The following KAT6A variants were observed in gnomAD, a reference collection of about 807,000 sequenced individuals.
The protein encoded by KAT6A is lysine acetyltransferase 6A.
A neutral mutation model predicts 198.4 loss-of-function variants in KAT6A; 9 were observed. The observed-to-expected ratio is 0.05, with a 90% confidence interval of 0.03 to 0.08. The LOEUF is 0.08. Ranked by LOEUF, KAT6A falls within the 10% of genes least tolerant of loss-of-function variation. KAT6A has a pLI of 1.00. For missense variants in KAT6A, 2,077 were observed against 2,509.9 expected (o/e 0.83, Z 3.69); for synonymous variants, 890 against 883.0 (o/e 1.01, Z -0.14).
intron 2 of KAT6A, among the ~76,000 whole-genome samples, chr8:42,021,998 T>C (rs767299610): frequency 6.6e-6 from 1 of 152,178 alleles, no homozygotes; most frequent in African/African-American, 2.4e-5. Context: ...TTTCAGTTTA[T>C]CTCAACTCCA....
At chr8:42,007,027 T>C (rs1348822049) in intron 2 of KAT6A, among the ~76,000 whole-genome samples, 2 of 151,222 alleles carry the variant, frequency 1.3e-5, no homozygotes, top group East Asian at 1.9e-4. Flanking sequence ...TCAGTCAACT[T>C]ACTCTAATCT....
chr8:42,040,174 A>G (rs1465969580), intron 2 of KAT6A, among the ~76,000 whole-genome samples: 1 of 151,986 alleles, frequency 6.6e-6, no homozygotes, highest in East Asian at 1.9e-4. Flanking sequence ...TTAAAAAAAA[A>G]AGTCCCTAAC....
At chr8:41,985,934 T>G (rs79403673) in intron 3 of KAT6A, among the ~76,000 whole-genome samples, 17,968 of 151,972 alleles carry the variant, frequency 0.12, 1,333 homozygotes, top group East Asian at 0.26. Flanking sequence ...TAAGTTTTTT[T>G]TTTGTTTGTT....
At chr8:42,019,433 CAGAAG>C (rs1286308506) in intron 2 of KAT6A, among the ~76,000 whole-genome samples, 1 of 152,114 alleles carries the variant, frequency 6.6e-6, no homozygotes, top group Non-Finnish European at 1.5e-5. Flanking sequence ...GCAGGCAGGT[CAGAAG>C]AGAAGAAAAG....
At chr8:41,955,455 A>T (rs1822876537) in intron 8 of KAT6A, 44 bp from the exon 9 acceptor site, 1 of 1,192,032 alleles carries the variant, frequency 8.4e-7, no homozygotes. Context: ...TAAATTAGAC[A>T]CACTGAGATA....
intron 2 of KAT6A, among the ~76,000 whole-genome samples, chr8:42,025,691 C>T (rs1441263939): frequency 6.6e-6 from 1 of 152,120 alleles, no homozygotes; most frequent in Non-Finnish European, 1.5e-5. Context: ...AATATTTTCT[C>T]CCAATCTACA....
intron 2 of KAT6A, among the ~76,000 whole-genome samples, chr8:41,991,071 A>T (rs1824921295): frequency 6.6e-6 from 1 of 152,040 alleles, no homozygotes. Flanking sequence ...AATTGACAAG[A>T]CCAATTTGAA....
chr8:41,948,231 GT>G (rs1822492959), intron 10 of KAT6A, among the ~76,000 whole-genome samples: 1 of 152,172 alleles, frequency 6.6e-6, no homozygotes. Context: ...TAGATAGCAA[GT>G]TTCGTTTTCA....
rs1434893861 is a variant in KAT6A, at chr8:41,929,885, CTCT to C, written c.*2317_*2319del. The C allele has an allele frequency of 9.6e-6, 2 of 208,452 alleles. No individual in the cohort carries two copies. The highest frequency in any genetic ancestry group is 2.0e-5 in the Non-Finnish European group (2 of 102,526). The allele number at this position is 208,452 out of a possible 1,614,324, so 12.9% of individuals were successfully genotyped here. A position where few individuals can be genotyped will look rare whatever the true frequency, so the allele number is the denominator to read the frequency against. ...TTAAAGATGGAATGAAATGAAAAAG[CTCT>C]TATTTTAAAAGGCATCAAAGTCACT... On this transcript the variant is annotated 3_prime_UTR_variant, in exon 17 of 17. Coordinates refer to ENST00000265713, the MANE Select transcript of KAT6A (RefSeq NM_006766.5).
intron 2 of KAT6A, among the ~76,000 whole-genome samples, chr8:42,006,439 T>C (rs971413270): frequency 5.9e-5 from 9 of 152,234 alleles, no homozygotes; most frequent in African/African-American, 2.2e-4. Context: ...AGGTTGGGTA[T>C]CCCTTATCTC....
At chr8:41,983,968 T>C (rs1824483096) in intron 3 of KAT6A, among the ~76,000 whole-genome samples, 1 of 152,246 alleles carries the variant, frequency 6.6e-6, no homozygotes, top group Admixed American at 6.5e-5. Context: ...TGCTTAGAAA[T>C]GTAAACATGT....
In KAT6A at chr8:41,929,627, C is replaced by T. The variant is rs1482464462; in HGVS notation, c.*2578G>A. 5.2e-6 allele frequency: 1 copy of T among 193,968 alleles called. No individual in the cohort carries two copies. The highest frequency in any genetic ancestry group is 1.1e-5 in the Non-Finnish European group (1 of 92,974). The allele number at this position is 193,968 out of a possible 1,614,324, so 12.0% of individuals were successfully genotyped here. A position where few individuals can be genotyped will look rare whatever the true frequency, so the allele number is the denominator to read the frequency against. On this transcript the variant is annotated 3_prime_UTR_variant, in exon 17 of 17. Coordinates refer to ENST00000265713, the MANE Select transcript of KAT6A (RefSeq NM_006766.5). ...CAGGAGCGCGTGACATGGAGAGATACAAAGGCATCTAGGCACCCCTTCCCC... is the reference window on the plus strand; with the variant it reads ...CAGGAGCGCGTGACATGGAGAGATATAAAGGCATCTAGGCACCCCTTCCCC...
chr8:42,006,609 G>A (rs1408693974), intron 2 of KAT6A, among the ~76,000 whole-genome samples: 2 of 152,170 alleles, frequency 1.3e-5, no homozygotes, highest in Non-Finnish European at 2.9e-5. Context: ...CGCCCAAAGA[G>A]TTTCAGACTT....
chr8:41,941,500 T>G (rs929445759), intron 14 of KAT6A, 56 bp from the exon 15 acceptor site: 1 of 1,515,600 alleles, frequency 6.6e-7, no homozygotes, highest in African/African-American at 1.4e-5. Flanking sequence ...TTTGCTTACA[T>G]TTACCTATTC....
At chr8:42,047,686 C>T (rs767034602) in intron 2 of KAT6A, among the ~76,000 whole-genome samples, 1 of 152,162 alleles carries the variant, frequency 6.6e-6, no homozygotes, top group Non-Finnish European at 1.5e-5. Flanking sequence ...GCTGGGATTA[C>T]AGGCATGAAC....
At chr8:41,977,811 A>T (rs940375460) in intron 6 of KAT6A, among the ~76,000 whole-genome samples, 1 of 152,188 alleles carries the variant, frequency 6.6e-6, no homozygotes, top group African/African-American at 2.4e-5. Flanking sequence ...TTTATAGGAA[A>T]ATCAAAGCTT....
chr8:42,000,200 G>C (rs1825417691), intron 2 of KAT6A, among the ~76,000 whole-genome samples: 1 of 152,176 alleles, frequency 6.6e-6, no homozygotes, highest in African/African-American at 2.4e-5. Context: ...AAATAATTTA[G>C]TGGTACTTGA....
At chr8:41,946,738 T>G in intron 11 of KAT6A, 54 bp from the exon 12 acceptor site, 5 of 1,025,898 alleles carry the variant, frequency 4.9e-6, no homozygotes, top group Non-Finnish European at 7.6e-6. Context: ...AAGTGAATAA[T>G]AACGTGAATT....
chr8:41,958,215 G>A (rs1823022788), intron 8 of KAT6A: 1 of 152,200 alleles, frequency 6.6e-6, no homozygotes, highest in South Asian at 2.1e-4. Flanking sequence ...CCACAACAGA[G>A]AGAGCATGAA....
Sources: gnomAD v4.1 joint callset for allele counts (sites outside exome capture counted in the v4.1 genomes callset) on GRCh38, gnomAD v4.1.1 for gene constraint, MANE v1.5 for transcripts, NCBI Gene and HGNC (gene_info 2026-07-23, HGNC 2026-07-21) for gene names.